Variants in PDZD2 observed in about 807,000 individuals in gnomAD.
PDZD2 encodes the protein PDZ domain-containing protein 2.
PDZD2 carries 90 observed loss-of-function variants against 220.7 expected under a neutral mutation model. That is an observed-to-expected ratio of 0.41 (90% CI 0.34 to 0.49). The LOEUF (loss-of-function observed/expected upper bound fraction) is 0.49. PDZD2 is among the 20% of genes least tolerant of loss of function. The probability of loss-of-function intolerance (pLI) is 0.28; values close to 1 mark genes in which losing one functional copy is unlikely to be tolerated. For missense variants in PDZD2, 3,174 were observed against 3,608.5 expected, an observed-to-expected ratio of 0.88 and a Z score of 3.08; for synonymous variants, 1,375 against 1,450.5, an observed-to-expected ratio of 0.95 and a Z score of 1.18.
chr5:32,087,843 A>T lies in PDZD2; in HGVS notation c.4395A>T (p.Gly1465=). The change falls in exon 20 of 25, where the codon GGA becomes GGT. Residue 1465 remains glycine, a synonymous_variant. Coordinates refer to ENST00000438447, the MANE Select transcript of PDZD2 (RefSeq NM_178140.4). This position sits in a 1 kb window ranked among gnomAD's most constrained non-coding sequence, Gnocchi z 4.0. ...SAQGHPPAGA[G]GGSSCRAEPV... is the part of the protein sequence containing the mutation. ...AGGGCCACCCACCAGCCGGGGCTGG[A>T]GGTGGGAGCTCCTGCCGTGCCGAAC... 1 of 1,611,486 alleles carries T rather than the reference A, an allele frequency of 6.2e-7. No individual in the cohort carries two copies. Among genetic ancestry groups the T allele is most frequent in the Non-Finnish European group, 8.5e-7 (1 of 1,179,098 alleles).
intron 6 of PDZD2, among the ~76,000 whole-genome samples, chr5:32,023,330 G>T (rs1754377245): frequency 6.6e-6 from 1 of 152,070 alleles, no homozygotes; most frequent in Admixed American, 6.6e-5. Context: ...CTCCCAGACA[G>T]CCTCTCCTTC....
chr5:31,819,128 A>T (rs1211379425), intron 2 of PDZD2, among the ~76,000 whole-genome samples: 1 of 152,120 alleles, frequency 6.6e-6, no homozygotes, highest in Non-Finnish European at 1.5e-5. Flanking sequence ...ATCTACAAGT[A>T]CTCTGTTAAT....
At chr5:31,835,603 G>C (rs1196566551) in intron 2 of PDZD2, among the ~76,000 whole-genome samples, 1 of 145,208 alleles carries the variant, frequency 6.9e-6, no homozygotes, top group Non-Finnish European at 1.5e-5. Flanking sequence ...GGCAACAATA[G>C]TGACACTCCA....
intron 1 of PDZD2, among the ~76,000 whole-genome samples, chr5:31,778,816 T>C (rs1163858816): frequency 6.6e-6 from 1 of 152,036 alleles, no homozygotes; most frequent in Non-Finnish European, 1.5e-5. Context: ...AAGTAATAAA[T>C]GTTCACAAGC....
chr5:31,844,742 T>C (rs1281368891), intron 2 of PDZD2, among the ~76,000 whole-genome samples: 1 of 152,240 alleles, frequency 6.6e-6, no homozygotes, highest in Non-Finnish European at 1.5e-5. Flanking sequence ...TCTGGGATAC[T>C]ATCCAGCTTC....
intron 2 of PDZD2, among the ~76,000 whole-genome samples, chr5:31,823,508 C>A (rs1249439173): frequency 1.3e-5 from 2 of 152,044 alleles, no homozygotes; most frequent in African/African-American, 4.8e-5. Flanking sequence ...GAAAGTTTGG[C>A]CGGTAACAGA....
Position 32,071,402 on chromosome 5 carries a change from C to T in PDZD2, c.2552C>T (p.Pro851Leu). 1.2e-6 allele frequency: 2 copies of T among 1,610,238 alleles called. No homozygotes were observed. Among genetic ancestry groups the T allele is most frequent in the Non-Finnish European group, 1.7e-6 (2 of 1,176,604 alleles). ...CCAACAGGTACCCCCTTGAAGAGTC[C>T]CTCTCTTGCAAAAAAGGTGAGTCAA... ...SPGLGTPLKSPSLAKKDSLIS... is the reference protein window; with the variant it reads ...SPGLGTPLKSLSLAKKDSLIS... The change falls in exon 16 of 25, where the codon CCC becomes CTC. Residue 851 changes from proline (P) to leucine (L), a missense_variant. Coordinates refer to ENST00000438447, the MANE Select transcript of PDZD2 (RefSeq NM_178140.4).
At chr5:31,648,078 A>G (rs1383275789) in intron 1 of PDZD2, among the ~76,000 whole-genome samples, 4 of 152,198 alleles carry the variant, frequency 2.6e-5, no homozygotes, top group Non-Finnish European at 5.9e-5. Flanking sequence ...CAATGTACTG[A>G]AAATAGTAAC....
At chr5:32,053,188 G>A (rs1262090435) in intron 9 of PDZD2, among the ~76,000 whole-genome samples, 1 of 152,142 alleles carries the variant, frequency 6.6e-6, no homozygotes, top group Non-Finnish European at 1.5e-5. Flanking sequence ...CAGAACCAAG[G>A]GTGCAATGAA....
rs1463040359 is a variant in PDZD2 at position 32,090,053 on chromosome 5, T to C, written c.6605T>C (p.Ile2202Thr). 6.2e-7 allele frequency: 1 copy of C among 1,613,290 alleles called. No homozygotes were observed. Among genetic ancestry groups the C allele is most frequent in the South Asian group, 1.1e-5 (1 of 90,990 alleles). ...SDSRGVPRNS[I>T]PGGPSGEDHL... ...TCCCGAGGGGTGCCCAGAAACAGCA[T>C]TCCAGGGGGCCCCTCGGGGGAGGAC... Residue 2202 changes from isoleucine (I) to threonine (T), a missense_variant, in exon 20 of 25, where the codon ATT becomes ACT. Around this residue, in one of 4 missense-constraint regions of PDZD2, gnomAD observed 1,861 missense variants for 2,001.0 expected, o/e 0.93. Transcript: ENST00000438447. This position sits in a 1 kb window ranked among gnomAD's most constrained non-coding sequence, Gnocchi z 4.3.
intron 24 of PDZD2, among the ~76,000 whole-genome samples, chr5:32,104,580 C>G (rs1744558928): frequency 6.6e-6 from 1 of 150,700 alleles, no homozygotes; most frequent in Non-Finnish European, 1.5e-5. Context: ...GTTAGCTGGG[C>G]ATTGTGGTGC....
chr5:32,102,442 G>A (rs371681869), intron 24 of PDZD2, among the ~76,000 whole-genome samples: 3 of 151,542 alleles, frequency 2.0e-5, no homozygotes, highest in African/African-American at 7.3e-5. Flanking sequence ...AGGATAGGCT[G>A]CCTGCTCCCA....
chr5:32,089,254 C>T lies in PDZD2; in HGVS notation c.5806C>T (p.His1936Tyr). Residue 1936 changes from histidine (H) to tyrosine (Y), a missense_variant, in exon 20 of 25, where the codon CAT becomes TAT. By Grantham distance (83) the His-to-Tyr change is moderately conservative. This residue lies in a region of PDZD2 where 1,861 missense variants were observed against 2,001.0 expected (regional missense o/e 0.93). Coordinates refer to ENST00000438447, the MANE Select transcript of PDZD2 (RefSeq NM_178140.4). Reference sequence around the variant, plus strand: ...TTCTAAGGCAGTGTCACAGCGGCTCCATGTAGCCGACCACGAGGACCCTGA... The same window carrying T: ...TTCTAAGGCAGTGTCACAGCGGCTCTATGTAGCCGACCACGAGGACCCTGA... ...TLSKAVSQRLHVADHEDPDRN... is the reference protein window; with the variant it reads ...TLSKAVSQRLYVADHEDPDRN... 1 of 1,614,216 alleles carries T rather than the reference C, an allele frequency of 6.2e-7. No individual in the cohort carries two copies. Among genetic ancestry groups the T allele is most frequent in the South Asian group, 1.1e-5 (1 of 91,086 alleles).
At chr5:32,039,908 C>G (rs1342618077) in intron 7 of PDZD2, among the ~76,000 whole-genome samples, 5 of 148,638 alleles carry the variant, frequency 3.4e-5, no homozygotes. Context: ...GCCCGGCGGC[C>G]CCATCTGGGA....
intron 2 of PDZD2, among the ~76,000 whole-genome samples, chr5:31,835,351 G>A (rs1756882523): frequency 6.6e-6 from 1 of 152,176 alleles, no homozygotes; most frequent in African/African-American, 2.4e-5. Context: ...CAGGAGCAGT[G>A]GCTCACACCT....
intron 1 of PDZD2, among the ~76,000 whole-genome samples, chr5:31,658,547 T>G (rs1362837826): frequency 6.6e-6 from 1 of 152,156 alleles, no homozygotes; most frequent in Non-Finnish European, 1.5e-5. Flanking sequence ...TCCCCCTTCT[T>G]TAACTAATAC....
intron 6 of PDZD2, 83 bp from the exon 7 acceptor site, chr5:32,037,148 T>C (rs1005436492): frequency 2.4e-6 from 2 of 833,666 alleles, no homozygotes; most frequent in African/African-American, 3.3e-5. Context: ...TCCTTGAGCC[T>C]TGAGATAACA....
At chr5:31,997,065 T>G (rs1169513642) in intron 4 of PDZD2, among the ~76,000 whole-genome samples, 1 of 152,206 alleles carries the variant, frequency 6.6e-6, no homozygotes, top group Non-Finnish European at 1.5e-5. Flanking sequence ...ATAGGGTGTC[T>G]ACTATTTGCA....
At chr5:31,948,091 G>T (rs1257674207) in intron 2 of PDZD2, among the ~76,000 whole-genome samples, 1 of 152,132 alleles carries the variant, frequency 6.6e-6, no homozygotes, top group African/African-American at 2.4e-5. Flanking sequence ...CCAATGAAAG[G>T]TTACTTGGGA....
Sources: allele counts gnomAD v4.1 joint callset (sites outside exome capture counted in the v4.1 genomes callset), GRCh38; gene constraint gnomAD v4.1.1; regional missense constraint gnomAD v4.1.1; non-coding constraint Gnocchi (gnomAD v3.1); transcripts MANE v1.5; gene names NCBI Gene and HGNC (gene_info 2026-07-23, HGNC 2026-07-21).